HVCN1: variants seen among roughly 807,000 people sequenced by gnomAD.
The protein encoded by HVCN1 is hydrogen voltage gated channel 1, also known as voltage-gated hydrogen channel 1.
HVCN1 carries 14 observed loss-of-function variants against 29.2 expected under a neutral mutation model. The ratio of observed to expected loss-of-function variants is 0.48; its 90% confidence interval spans 0.32 to 0.75. The LOEUF (loss-of-function observed/expected upper bound fraction) is 0.75, where lower values mean the gene tolerates loss of function less well. Ranked by LOEUF, HVCN1 falls within the 30% of genes least tolerant of loss-of-function variation. The pLI is 0.04. For synonymous variants in HVCN1, 131 were observed against 133.2 expected (o/e 0.98, Z 0.11); for missense variants, 263 against 341.8 (o/e 0.77, Z 1.82).
chr12:110,648,924 G>A lies in HVCN1; in HGVS notation c.*486C>T. ...GCTGATGCAGCTGGGGCACACAGAGGAGGGGCCTGGGTACCCCTTTTGGGG... is the reference window on the plus strand; with the variant it reads ...GCTGATGCAGCTGGGGCACACAGAGAAGGGGCCTGGGTACCCCTTTTGGGG... On this transcript the variant is annotated 3_prime_UTR_variant, in exon 8 of 8. Coordinates refer to ENST00000242607, the MANE Select transcript of HVCN1 (RefSeq NM_032369.4). 7.2e-6 allele frequency: 3 copies of A among 414,928 alleles called. No homozygotes were observed. The highest frequency in any genetic ancestry group is 5.3e-5 in the South Asian group (3 of 56,842). The allele number at this position is 414,928 out of a possible 1,614,324, so 25.7% of individuals were successfully genotyped here.
chr12:110,684,510 A>G (rs1447830007), intron 2 of HVCN1, among the ~76,000 whole-genome samples: 1 of 152,196 alleles, frequency 6.6e-6, no homozygotes, highest in Non-Finnish European at 1.5e-5. Flanking sequence ...ATGGACGTGG[A>G]AAGACGCCAG....
At chr12:110,673,597 C>T (rs538114591) in intron 3 of HVCN1, among the ~76,000 whole-genome samples, 1 of 152,222 alleles carries the variant, frequency 6.6e-6, no homozygotes, top group African/African-American at 2.4e-5. Context: ...CCCAGAGGCC[C>T]AGGAGGAAAA....
chr12:110,653,058 C>T (rs1421357031), intron 5 of HVCN1, among the ~76,000 whole-genome samples: 2 of 152,310 alleles, frequency 1.3e-5, no homozygotes, highest in East Asian at 3.9e-4. Flanking sequence ...CAGGAGACCT[C>T]AAAATCATCA....
chr12:110,679,838 C>G (rs796827312), intron 3 of HVCN1, among the ~76,000 whole-genome samples: 22 of 147,354 alleles, frequency 1.5e-4, no homozygotes, highest in African/African-American at 5.6e-4. Context: ...CCGGCCTGGG[C>G]GACAGAGCGA....
chr12:110,652,010 CTGAA>C (rs549925036), intron 5 of HVCN1, among the ~76,000 whole-genome samples: 1 of 152,210 alleles, frequency 6.6e-6, no homozygotes, highest in Non-Finnish European at 1.5e-5. Context: ...TCTAAAATAA[CTGAA>C]TGAATGAATG....
At chr12:110,649,586 A>G (rs936636942) in intron 7 of HVCN1, 111 bp from the exon 8 acceptor site, 3 of 789,390 alleles carry the variant, frequency 3.8e-6, no homozygotes, top group Non-Finnish European at 6.5e-6. Context: ...AATGAAAGCT[A>G]CGCTGTTTGT....
In HVCN1 at chr12:110,689,083, G is replaced by A. The variant is rs1443951015; in HGVS notation, c.-107C>T. The A allele has an allele frequency of 1.3e-5, 2 of 151,976 alleles. No homozygotes were observed. Among genetic ancestry groups the A allele is most frequent in the Non-Finnish European group, 2.9e-5 (2 of 68,330 alleles). The allele number at this position is 151,976 out of a possible 1,614,324, so 9.4% of individuals were successfully genotyped here. On this transcript the variant is annotated 5_prime_UTR_variant, in exon 1 of 8. Transcript: ENST00000242607. The surrounding 1 kb of genome is among the most constrained non-coding windows in gnomAD (Gnocchi z 5.7). ...CCCGCCCGGCCCGAGCACTTACCCG[G>A]CGCCCCACCCGCCCGCGGTCACCGC...
exon 2 of HVCN1, chr12:110,702,430 TTC>T (rs765609938): frequency 6.6e-6 from 1 of 152,120 alleles, no homozygotes; most frequent in Non-Finnish European, 1.5e-5. Flanking sequence ...GTAGGCAGCG[TTC>T]TCTTTGGAAA....
intron 4 of HVCN1, among the ~76,000 whole-genome samples, chr12:110,656,031 A>G (rs796473069): frequency 6.6e-6 from 1 of 152,064 alleles, no homozygotes; most frequent in South Asian, 2.1e-4. Flanking sequence ...GTTCCTGGGG[A>G]CTGCTGTTGC....
Position 110,658,389 on chromosome 12 carries a change from C to T in HVCN1, c.306+2775G>A, listed in dbSNP as rs780544593. On this transcript the variant is annotated intron_variant, in intron 4 of 7. Transcript: ENST00000242607. The surrounding 1 kb of genome is among the most constrained non-coding windows in gnomAD (Gnocchi z 5.0). ...TCCCTCCACAAATCTGATCTCCCAC[C>T]CACACACTTAGAGCTTTCAAAGGCA... 6.6e-6 allele frequency among the ~76,000 whole-genome samples: 1 copy of T among 152,098 alleles called. No individual in the cohort carries two copies. The highest frequency in any genetic ancestry group is 1.5e-5 in the Non-Finnish European group (1 of 68,016).
intron 3 of HVCN1, among the ~76,000 whole-genome samples, chr12:110,675,274 C>T (rs2068710121): frequency 2.6e-5 from 4 of 152,156 alleles, no homozygotes; most frequent in Non-Finnish European, 2.9e-5. Context: ...GCCTCACCAA[C>T]GTGGGGAAAC....
chr12:110,685,008 T>C (rs1341131483), intron 2 of HVCN1, among the ~76,000 whole-genome samples: 1 of 152,118 alleles, frequency 6.6e-6, no homozygotes, highest in African/African-American at 2.4e-5. Context: ...CAGGGTGTGG[T>C]AGGCAAAATA....
rs376319278 is a variant in HVCN1 at position 110,655,773 on chromosome 12, C to T, written c.307-435G>A. Reference sequence around the variant, plus strand: ...AGGCTGGAGTACAGTGGCATGATCTCGCCTCACTGCAACCTCTGCCTCCTG... The same window carrying T: ...AGGCTGGAGTACAGTGGCATGATCTTGCCTCACTGCAACCTCTGCCTCCTG... On this transcript the variant is annotated intron_variant, in intron 4 of 7. Coordinates refer to ENST00000242607, the MANE Select transcript of HVCN1 (RefSeq NM_032369.4). Among the ~76,000 whole-genome samples the T allele has an allele frequency of 1.3e-4, 19 of 149,640 alleles. No homozygotes were observed. The East Asian group carries it at 1.4e-3, about 11-fold the overall frequency.
At position 110,661,097 on chromosome 12, in the gene HVCN1, G is replaced by A. The variant is rs993665192; in HGVS notation, c.306+67C>T. The A allele has an allele frequency of 4.6e-5, 67 of 1,472,094 alleles. No homozygotes were observed. Among genetic ancestry groups the A allele is most frequent in the African/African-American group, 5.6e-5 (4 of 71,322 alleles). The allele number at this position is 1,472,094 out of a possible 1,614,324, so 91.2% of individuals were successfully genotyped here. A position where few individuals can be genotyped will look rare whatever the true frequency, so the allele number is the denominator to read the frequency against. ...GTGGCCAAATGGGCTCAGCCTGGCCGCCTGCCTCACATTCCCCGATGGCTC... is the reference window on the plus strand; with the variant it reads ...GTGGCCAAATGGGCTCAGCCTGGCCACCTGCCTCACATTCCCCGATGGCTC... On this transcript the variant is annotated intron_variant, in intron 4 of 7. Transcript: ENST00000242607. This position sits in a 1 kb window ranked among gnomAD's most constrained non-coding sequence, Gnocchi z 6.2.
intron 7 of HVCN1, 69 bp from the exon 8 acceptor site, chr12:110,649,544 C>G: frequency 8.9e-7 from 1 of 1,122,354 alleles, no homozygotes; most frequent in Non-Finnish European, 1.3e-6. Context: ...ATCAATCATT[C>G]AGTGAGCCCC....
intron 3 of HVCN1, among the ~76,000 whole-genome samples, chr12:110,663,739 T>G (rs1318676108): frequency 6.6e-6 from 1 of 152,094 alleles, no homozygotes; most frequent in Non-Finnish European, 1.5e-5. Flanking sequence ...TCACTGGTGA[T>G]GCCCATGTGT....
chr12:110,677,279 C>T (rs2068780352), intron 3 of HVCN1, among the ~76,000 whole-genome samples: 1 of 152,114 alleles, frequency 6.6e-6, no homozygotes, highest in South Asian at 2.1e-4. Context: ...CCTCTGTCTG[C>T]CCATCTTCTC....
intron 2 of HVCN1, among the ~76,000 whole-genome samples, chr12:110,697,103 C>G (rs372007195): frequency 5.3e-5 from 8 of 151,816 alleles, no homozygotes; most frequent in Non-Finnish European, 8.8e-5. Context: ...AGCAGAGAAG[C>G]CTGGGAGGGG....
At chr12:110,683,118 A>C in intron 3 of HVCN1, 107 bp downstream of exon 3, 2 of 1,433,308 alleles carry the variant, frequency 1.4e-6, no homozygotes, top group Non-Finnish European at 2.0e-6. Context: ...AGTATAGTGG[A>C]AACACCTGAA....
Sources: allele counts gnomAD v4.1 joint callset (sites outside exome capture counted in the v4.1 genomes callset), GRCh38; gene constraint gnomAD v4.1.1; non-coding constraint Gnocchi (gnomAD v3.1); transcripts MANE v1.5; gene names NCBI Gene and HGNC (gene_info 2026-07-23, HGNC 2026-07-21).